Variants in APC observed in about 807,000 individuals in gnomAD.
APC encodes adenomatous polyposis coli protein.
APC carries 72 observed loss-of-function variants against 247.0 expected under a neutral mutation model. The observed-to-expected ratio is 0.29, with a 90% CI of 0.24 to 0.35. The LOEUF (loss-of-function observed/expected upper bound fraction) is 0.35. APC is among the 10% of genes least tolerant of loss of function. APC has a pLI of 1.00. For missense variants in APC, 3,400 were observed against 3,360.7 expected, an observed-to-expected ratio of 1.01 and a Z score of -0.29; for synonymous variants, 1,254 against 1,162.5, an observed-to-expected ratio of 1.08 and a Z score of -1.60.
intron 1 of APC, among the ~76,000 whole-genome samples, chr5:112,727,491 C>A (rs1259381047): frequency 6.6e-6 from 1 of 152,064 alleles, no homozygotes; most frequent in African/African-American, 2.4e-5. Context: ...CATTACTATG[C>A]CCTATATTTA....
At chr5:112,722,636 T>C (rs1247418659) in intron 1 of APC, among the ~76,000 whole-genome samples, 3 of 152,042 alleles carry the variant, frequency 2.0e-5, no homozygotes, top group Admixed American at 6.6e-5. Flanking sequence ...ACCCCCTCTT[T>C]GGAGTCGATT....
At chr5:112,719,634 A>C (rs1751373164) in intron 1 of APC, among the ~76,000 whole-genome samples, 1 of 150,826 alleles carries the variant, frequency 6.6e-6, no homozygotes, top group Non-Finnish European at 1.5e-5. Flanking sequence ...TCCCAGGTTC[A>C]GGCAATTCTC....
At chr5:112,773,806 A>C (rs1757307352) in intron 4 of APC, among the ~76,000 whole-genome samples, 1 of 152,202 alleles carries the variant, frequency 6.6e-6, no homozygotes, top group South Asian at 2.1e-4. Context: ...AGGTCCTACA[A>C]ATAAGAAAAA....
chr5:112,812,102 C>A lies in APC; in HGVS notation c.835-3393C>A, dbSNP rs955151214. Among the ~76,000 whole-genome samples, 3 of 152,174 alleles carry A rather than the reference C, an allele frequency of 2.0e-5. No homozygotes were observed. The South Asian group carries it at 6.2e-4, about 31-fold the overall frequency. On this transcript the variant is annotated intron_variant, in intron 8 of 15. Coordinates refer to ENST00000257430, the MANE Select transcript of APC (RefSeq NM_000038.6). ...GAGGTGCCCAAGATGGAAGACACGT[C>A]TTTGTAACCTTATCTTGAGAGTGCT...
chr5:112,803,093 T>TG (rs1015116784), intron 8 of APC, among the ~76,000 whole-genome samples: 35 of 152,090 alleles, frequency 2.3e-4, no homozygotes, highest in African/African-American at 7.2e-4. Flanking sequence ...TCAGATTTCG[T>TG]GGGGGGGCCA....
At chr5:112,816,327 TA>T (rs1762507127) in intron 9 of APC, among the ~76,000 whole-genome samples, 2 of 152,212 alleles carry the variant, frequency 1.3e-5, no homozygotes, top group Non-Finnish European at 2.9e-5. Flanking sequence ...TTTTTTTACT[TA>T]TCTTTTGCTG....
At chr5:112,746,091 A>G (rs971037790) in intron 1 of APC, among the ~76,000 whole-genome samples, 8 of 152,158 alleles carry the variant, frequency 5.3e-5, no homozygotes, top group African/African-American at 1.2e-4. Flanking sequence ...GAATTTTTAA[A>G]TGACAGAATA....
chr5:112,816,431 C>G (rs775897170), intron 9 of APC, among the ~76,000 whole-genome samples: 1 of 152,120 alleles, frequency 6.6e-6, no homozygotes, highest in Non-Finnish European at 1.5e-5. Context: ...GATAAGTGAG[C>G]TTTCTTAGAG....
chr5:112,781,594 A>C lies in APC; in HGVS notation c.645+691A>C, dbSNP rs144533215. Among the ~76,000 whole-genome samples, 454 of 152,262 alleles carry C rather than the reference A, an allele frequency of 3.0e-3. 3 individuals carry two copies. The highest frequency in any genetic ancestry group is 5.2e-3 in the Admixed American group (79 of 15,298). On this transcript the variant is annotated intron_variant, in intron 6 of 15. Transcript: ENST00000257430. Reference sequence around the variant, plus strand: ...GGAAAACATTTAAAGATTTTCTTTAAGTAAATATAGCAAATAAAAGCAGAG... The same window carrying C: ...GGAAAACATTTAAAGATTTTCTTTACGTAAATATAGCAAATAAAAGCAGAG...
chr5:112,785,265 G>A (rs1322767346), intron 6 of APC, among the ~76,000 whole-genome samples: 1 of 152,018 alleles, frequency 6.6e-6, no homozygotes, highest in Non-Finnish European at 1.5e-5. Flanking sequence ...ATGATGTGGT[G>A]GTTTGCCTAG....
chr5:112,821,128 C>G (rs1316640552), intron 10 of APC, among the ~76,000 whole-genome samples: 1 of 151,796 alleles, frequency 6.6e-6, no homozygotes, highest in African/African-American at 2.4e-5. Flanking sequence ...TTCAGCCTCC[C>G]AAAGTGCTGG....
At chr5:112,816,753 A>G (rs1436667488) in intron 9 of APC, among the ~76,000 whole-genome samples, 2 of 151,862 alleles carry the variant, frequency 1.3e-5, no homozygotes, top group African/African-American at 4.8e-5. Flanking sequence ...AGATTGTGCC[A>G]TTGCACTCCA....
At chr5:112,780,763 A>G (rs1758230218) in intron 5 of APC, 27 bp from the exon 6 acceptor site, 6 of 1,493,174 alleles carry the variant, frequency 4.0e-6, no homozygotes, top group Non-Finnish European at 5.6e-6. Flanking sequence ...CAAGATATTG[A>G]TACTTTTTTA....
chr5:112,819,155 G>T lies in APC; in HGVS notation c.1123G>T (p.Gly375Cys), dbSNP rs532476931. The T allele has an allele frequency of 6.2e-7, 1 of 1,614,016 alleles. No individual in the cohort carries two copies. The highest frequency in any genetic ancestry group is 1.7e-5 in the Admixed American group (1 of 59,998). ...KDSVLLGNSR[G>C]SKEARARASA... Reference sequence around the variant, plus strand: ...CTCTGTATTGTTGGGAAATTCCCGGGGCAGTAAAGAGGCTCGGGCCAGGGC... The same window carrying T: ...CTCTGTATTGTTGGGAAATTCCCGGTGCAGTAAAGAGGCTCGGGCCAGGGC... Residue 375 changes from glycine (G) to cysteine (C), a missense_variant, in exon 10 of 16, where the codon GGC (glycine) becomes TGC (cysteine). By Grantham distance (159) the Gly-to-Cys change is radical. This residue lies in a region of APC where 199 missense variants were observed against 212.5 expected (regional missense o/e 0.94). Coordinates refer to ENST00000257430, the MANE Select transcript of APC (RefSeq NM_000038.6).
chr5:112,814,833 C>T (rs965872603), intron 8 of APC, among the ~76,000 whole-genome samples: 5 of 152,180 alleles, frequency 3.3e-5, no homozygotes, highest in Non-Finnish European at 7.3e-5. Flanking sequence ...TGGAACACTC[C>T]ACGCTCTCCG....
rs761211430 is a variant in APC, at chr5:112,827,915, T to C, written c.1549-14T>C. ...GTCTTTTTAATGATCCTCTATTCTG[T>C]ATTTAATTTACAGGCTACGCTATGC... On this transcript the variant is annotated splice_polypyrimidine_tract_variant and intron_variant, in intron 12 of 15. Coordinates refer to ENST00000257430, the MANE Select transcript of APC (RefSeq NM_000038.6). The C allele has an allele frequency of 6.8e-5, 110 of 1,608,828 alleles. 1 individual carries two copies. The South Asian group carries it at 1.2e-3, about 17-fold the overall frequency.
At chr5:112,754,135 T>C (rs1187902811) in intron 1 of APC, among the ~76,000 whole-genome samples, 2 of 152,218 alleles carry the variant, frequency 1.3e-5, no homozygotes, top group African/African-American at 2.4e-5. Flanking sequence ...CCATTCTCTT[T>C]AGGTATCTTT....
chr5:112,764,827 C>A (rs1756092847), intron 2 of APC, among the ~76,000 whole-genome samples: 1 of 152,088 alleles, frequency 6.6e-6, no homozygotes, highest in Admixed American at 6.5e-5. Flanking sequence ...CAGGTAGTCT[C>A]CAATGAGAGT....
chr5:112,824,160 C>A (rs1763416145), intron 11 of APC, among the ~76,000 whole-genome samples: 1 of 151,966 alleles, frequency 6.6e-6, no homozygotes, highest in Non-Finnish European at 1.5e-5. Context: ...GTAGTTTTAC[C>A]CTATTGGGCA....
Sources: gnomAD v4.1 joint callset for allele counts (sites outside exome capture counted in the v4.1 genomes callset) on GRCh38, gnomAD v4.1.1 for gene constraint, gnomAD v4.1.1 regional missense constraint, MANE v1.5 for transcripts, NCBI Gene and HGNC (gene_info 2026-07-23, HGNC 2026-07-21) for gene names.